TSPAN18: variants seen among roughly 807,000 people sequenced by gnomAD.
TSPAN18 encodes tetraspanin 18, also known as tetraspanin-18.
In TSPAN18, 14 loss-of-function variants were observed where a neutral mutation model predicts 27.3. That is an observed-to-expected ratio of 0.51 (90% CI 0.34 to 0.80). The LOEUF is 0.80. Ranked by LOEUF, TSPAN18 falls within the 30% of genes least tolerant of loss-of-function variation. TSPAN18 has a pLI of 0.01. For synonymous variants in TSPAN18, 143 were observed against 136.5 expected, an observed-to-expected ratio of 1.05 and a Z score of -0.33; for missense variants, 268 against 323.9, an observed-to-expected ratio of 0.83 and a Z score of 1.32.
chr11:44,859,109 T>C (rs528790270), intron 2 of TSPAN18, among the ~76,000 whole-genome samples: 1 of 152,118 alleles, frequency 6.6e-6, no homozygotes, highest in South Asian at 2.1e-4. Context: ...CTTAGGCAAA[T>C]GGGAGGTTCC....
chr11:44,742,881 G>A (rs1375602048), intron 1 of TSPAN18, among the ~76,000 whole-genome samples: 1 of 152,222 alleles, frequency 6.6e-6, no homozygotes, highest in Non-Finnish European at 1.5e-5. Context: ...CCTTGGCTGA[G>A]GACATGGATG....
chr11:44,795,064 A>T (rs1443030162), intron 2 of TSPAN18, among the ~76,000 whole-genome samples: 1 of 151,048 alleles, frequency 6.6e-6, no homozygotes, highest in Non-Finnish European at 1.5e-5. Flanking sequence ...CATTTCTGCC[A>T]TTGGAACCCC....
In TSPAN18 at chr11:44,919,091, C is replaced by T; in HGVS notation, c.334-123C>T. The T allele has an allele frequency of 3.9e-6, 3 of 761,738 alleles. 1 individual carries two copies. The highest frequency in any genetic ancestry group is 2.1e-5 in the Admixed American group (1 of 48,516). 47.2% of individuals were successfully genotyped at this position (761,738 alleles called of 1,614,324 possible). On this transcript the variant is annotated intron_variant, in intron 6 of 9. Coordinates refer to ENST00000520358, the MANE Select transcript of TSPAN18 (RefSeq NM_130783.5). ...TAGGAGAATCCCAGGGGACCTGGCACCAGGATGCAGAGCCCCTAGCTCTCA... is the reference window on the plus strand; with the variant it reads ...TAGGAGAATCCCAGGGGACCTGGCATCAGGATGCAGAGCCCCTAGCTCTCA...
intron 1 of TSPAN18, among the ~76,000 whole-genome samples, chr11:44,737,730 CT>C (rs1347618931): frequency 1.3e-5 from 2 of 152,128 alleles, no homozygotes; most frequent in African/African-American, 4.8e-5. Flanking sequence ...CCTCTGCCCC[CT>C]CCCCACGCAA....
At chr11:44,813,429 T>A (rs1856760316) in intron 2 of TSPAN18, among the ~76,000 whole-genome samples, 1 of 152,182 alleles carries the variant, frequency 6.6e-6, no homozygotes, top group Non-Finnish European at 1.5e-5. Flanking sequence ...ACGATGTATA[T>A]AAAGTGCCTG....
rs1310040056 is a variant in TSPAN18 at position 44,932,068 on chromosome 11, G to C, written c.*2890G>C. ...AGGGTCCCTGTTAATTTCTGGCCTT[G>C]GTGCTCAGGCCTGTCCACAGCCTCC... On this transcript the variant is annotated 3_prime_UTR_variant, in exon 10 of 10. Coordinates refer to ENST00000520358, the MANE Select transcript of TSPAN18 (RefSeq NM_130783.5). 1 of 152,144 alleles carries C rather than the reference G, an allele frequency of 6.6e-6. No individual in the cohort carries two copies. Among genetic ancestry groups the C allele is most frequent in the Non-Finnish European group, 1.5e-5 (1 of 68,044 alleles). 9.4% of individuals were successfully genotyped at this position (152,144 alleles called of 1,614,324 possible).
chr11:44,808,410 C>T (rs935314920), intron 2 of TSPAN18, among the ~76,000 whole-genome samples: 2 of 152,186 alleles, frequency 1.3e-5, no homozygotes, highest in Non-Finnish European at 2.9e-5. Context: ...AATCCTATGC[C>T]TGTGTAAAGA....
At chr11:44,860,112 C>T (rs1030392226) in intron 2 of TSPAN18, among the ~76,000 whole-genome samples, 1 of 152,206 alleles carries the variant, frequency 6.6e-6, no homozygotes, top group Non-Finnish European at 1.5e-5. Context: ...CACATGCAAA[C>T]ACAGGCACAT....
intron 5 of TSPAN18, among the ~76,000 whole-genome samples, chr11:44,914,031 C>G (rs1859817151): frequency 6.6e-6 from 1 of 152,262 alleles, no homozygotes; most frequent in Non-Finnish European, 1.5e-5. Context: ...GATTCACACT[C>G]CCACATACTC....
chr11:44,759,984 G>A (rs1366207253), intron 1 of TSPAN18, among the ~76,000 whole-genome samples: 1 of 152,184 alleles, frequency 6.6e-6, no homozygotes, highest in Admixed American at 6.5e-5. Flanking sequence ...GTGAGGGGAG[G>A]GGTGAAACTC....
chr11:44,908,789 A>T (rs1177353642), intron 4 of TSPAN18, among the ~76,000 whole-genome samples: 1 of 112,904 alleles, frequency 8.9e-6, no homozygotes, highest in Non-Finnish European at 1.9e-5. Context: ...GAAAGAAAGA[A>T]AGAAAGAAAG....
chr11:44,848,507 A>G (rs12804300), intron 2 of TSPAN18, among the ~76,000 whole-genome samples: 36,828 of 152,046 alleles, frequency 0.24, 4,807 homozygotes, highest in Non-Finnish European at 0.29. Flanking sequence ...TCAGAAACCA[A>G]ATTAACAGGT....
rs144777268 is a variant in TSPAN18 at position 44,737,113 on chromosome 11, A to G, written c.-240+9826A>G. Among the ~76,000 whole-genome samples the G allele has an allele frequency of 4.3e-3, 648 of 152,262 alleles. 1 individual carries two copies. Among genetic ancestry groups the G allele is most frequent in the Admixed American group, 9.0e-3 (137 of 15,304 alleles). On this transcript the variant is annotated intron_variant, in intron 1 of 9. Transcript: ENST00000520358. ...GATTCTTAGCTATAGCTTCTTTGGG[A>G]TTCCATCCCTCCTTGCTATGTACCA...
chr11:44,858,009 T>C (rs1258182719), intron 2 of TSPAN18, among the ~76,000 whole-genome samples: 7 of 152,206 alleles, frequency 4.6e-5, no homozygotes, highest in South Asian at 4.1e-4. Context: ...ATAAAGCAAA[T>C]AGGGGTTCAA....
intron 2 of TSPAN18, among the ~76,000 whole-genome samples, chr11:44,808,557 G>C (rs58818612): frequency 0.02 from 2,978 of 152,272 alleles, 96 homozygotes; most frequent in African/African-American, 0.069. Context: ...ATAGGAGTGA[G>C]TGACATGTAC....
At chr11:44,892,090 G>T (rs1052782626) in intron 3 of TSPAN18, among the ~76,000 whole-genome samples, 1 of 152,168 alleles carries the variant, frequency 6.6e-6, no homozygotes, top group Non-Finnish European at 1.5e-5. Context: ...CTGCGGGGCT[G>T]TCTGCTCTCC....
At chr11:44,775,547 T>C (rs1467823853) in intron 2 of TSPAN18, among the ~76,000 whole-genome samples, 2 of 152,146 alleles carry the variant, frequency 1.3e-5, no homozygotes, top group Non-Finnish European at 2.9e-5. Flanking sequence ...GCCAGCCTCC[T>C]TCTGGGAGCC....
At chr11:44,919,178 G>A in intron 6 of TSPAN18, 36 bp from the exon 7 acceptor site, 1 of 1,569,786 alleles carries the variant, frequency 6.4e-7, no homozygotes, top group African/African-American at 1.3e-5. Context: ...GCACCCAACT[G>A]CCAGGCCTAA....
chr11:44,774,478 T>A (rs1402457251), intron 2 of TSPAN18, among the ~76,000 whole-genome samples: 1 of 152,178 alleles, frequency 6.6e-6, no homozygotes, highest in Non-Finnish European at 1.5e-5. Flanking sequence ...GCTCCTGACC[T>A]CAAAACCTCT....
Sources: gnomAD v4.1 joint callset for allele counts (sites outside exome capture counted in the v4.1 genomes callset) on GRCh38, gnomAD v4.1.1 for gene constraint, MANE v1.5 for transcripts, NCBI Gene and HGNC (gene_info 2026-07-23, HGNC 2026-07-21) for gene names.